CCN2: variants seen among roughly 807,000 people sequenced by gnomAD.
The protein encoded by CCN2 is CCN family member 2.
Under a neutral mutation model 33.2 loss-of-function variants are expected in CCN2, and 22 were observed. The ratio of observed to expected loss-of-function variants is 0.66; its 90% confidence interval spans 0.47 to 0.95. The LOEUF is 0.95. CCN2 is among the 40% of genes least tolerant of loss of function. CCN2 has a pLI of 0.00. For missense variants in CCN2, 469 were observed against 498.8 expected, an observed-to-expected ratio of 0.94 and a Z score of 0.57; for synonymous variants, 178 against 200.6, an observed-to-expected ratio of 0.89 and a Z score of 0.95.
rs868791465 is a variant in CCN2, at chr6:131,950,708, G to A, written c.289+62C>T. On this transcript the variant is annotated intron_variant, in intron 2 of 4. Transcript: ENST00000367976. This position sits in a 1 kb window ranked among gnomAD's most constrained non-coding sequence, Gnocchi z 7.1. Reference sequence around the variant, plus strand: ...AGTCCGAGCGGTTTCTTTTTCCAGCGGGCGGGTGGGCGTGAGGGAGGAGGC... The same window carrying A: ...AGTCCGAGCGGTTTCTTTTTCCAGCAGGCGGGTGGGCGTGAGGGAGGAGGC... 6.1e-6 allele frequency: 9 copies of A among 1,473,034 alleles called. No homozygotes were observed. Among genetic ancestry groups the A allele is most frequent in the Middle Eastern group, 4.7e-4 (2 of 4,248 alleles). 91.2% of individuals were successfully genotyped at this position (1,473,034 alleles called of 1,614,324 possible).
At position 131,948,773 on chromosome 6, in the gene CCN2, A is replaced by G. The variant is rs992770144; in HGVS notation, c.*491T>C. 4 of 170,578 alleles carry G rather than the reference A, an allele frequency of 2.3e-5. No individual in the cohort carries two copies. The highest frequency in any genetic ancestry group is 5.5e-5 in the Admixed American group (1 of 18,348). 10.6% of individuals were successfully genotyped at this position (170,578 alleles called of 1,614,324 possible). ...TCCGATTCCTGAACAGTGTCATTCG[A>G]ATCAGAATGTCAGAGCTGAGTCTGC... is the stretch of plus-strand genomic sequence containing the variant. On this transcript the variant is annotated 3_prime_UTR_variant, in exon 5 of 5. Coordinates refer to ENST00000367976, the MANE Select transcript of CCN2 (RefSeq NM_001901.4).
chr6:131,951,295 C>T lies in CCN2; in HGVS notation c.-123G>A, dbSNP rs925922047. The T allele has an allele frequency of 5.0e-6, 4 of 801,028 alleles. No homozygotes were observed. Among genetic ancestry groups the T allele is most frequent in the Middle Eastern group, 4.3e-4 (1 of 2,316 alleles). The allele number at this position is 801,028 out of a possible 1,614,324, so 49.6% of individuals were successfully genotyped here. ...CGCCGGGCTGTCGTCTCGGGGCTGT[C>T]GGCCGGGGCGGCTGCCGTCGAGCTG... is the stretch of plus-strand genomic sequence containing the variant. On this transcript the variant is annotated 5_prime_UTR_variant, in exon 1 of 5. Transcript: ENST00000367976.
rs779822040 is a variant in CCN2, at chr6:131,951,076, G to T, written c.66+31C>A. 21 of 1,291,662 alleles carry T rather than the reference G, an allele frequency of 1.6e-5. 1 individual carries two copies. Among genetic ancestry groups the T allele is most frequent in the Middle Eastern group, 3.0e-4 (1 of 3,386 alleles). The allele number at this position is 1,291,662 out of a possible 1,614,324, so 80.0% of individuals were successfully genotyped here. A position where few individuals can be genotyped will look rare whatever the true frequency, so the allele number is the denominator to read the frequency against. The stretch of plus-strand genomic sequence containing the variant: ...GGCCCCGAGTCCCTCCCTGGCAGCC[G>T]CCGGCCGCAGCGGGGGCTCCCGGCG... On this transcript the variant is annotated intron_variant, in intron 1 of 4. Coordinates refer to ENST00000367976, the MANE Select transcript of CCN2 (RefSeq NM_001901.4).
At position 131,950,844 on chromosome 6, in the gene CCN2, T is replaced by G; in HGVS notation, c.215A>C (p.Asp72Ala). 6.5e-7 allele frequency: 1 copy of G among 1,535,674 alleles called. No homozygotes were observed. The highest frequency in any genetic ancestry group is 8.7e-7 in the Non-Finnish European group (1 of 1,148,002). ...KQLGELCTERDPCDPHKGLFC... is the reference protein window; with the variant it reads ...KQLGELCTERAPCDPHKGLFC... ...TAGGCCCTTGTGCGGGTCGCATGGG[T>G]CGCGCTCGGTGCACAGCTCGCCCAG... Residue 72 changes from aspartate (D) to alanine (A), a missense_variant, in exon 2 of 5, where the codon GAC becomes GCC. Physicochemically the swap from Asp to Ala is moderately radical, Grantham distance 126. Transcript: ENST00000367976. This position sits in a 1 kb window ranked among gnomAD's most constrained non-coding sequence, Gnocchi z 7.1.
rs201855649 is a variant in CCN2 at position 131,950,567 on chromosome 6, G to T, written c.290-24C>A. On this transcript the variant is annotated intron_variant, in intron 2 of 4. Transcript: ENST00000367976. This position sits in a 1 kb window ranked among gnomAD's most constrained non-coding sequence, Gnocchi z 7.1. ...GGCTGGAGAAGAGGAAGGGAAGAGA[G>T]GGGTGGGGGATGCAGAGGTCAGGCA... The T allele has an allele frequency of 1.2e-5, 19 of 1,608,806 alleles. No homozygotes were observed. In the African/African-American group the frequency reaches 2.4e-4, roughly 20 times the overall value.
At position 131,949,538 on chromosome 6, in the gene CCN2, G is replaced by A; in HGVS notation, c.776C>T (p.Thr259Ile). The change falls in exon 5 of 5, where the codon ACT becomes ATT. Residue 259 changes from threonine to isoleucine, a missense_variant. Coordinates refer to ENST00000367976, the MANE Select transcript of CCN2 (RefSeq NM_001901.4). The stretch of plus-strand genomic sequence containing the variant: ...CTTGATAGGCTTGGAGATTTTGGGA[G>A]TACGGATGCACTTTTTGCCCTTCTA... ...NIKKGKKCIR[T>I]PKISKPIKFE... 1 of 1,423,612 alleles carries A rather than the reference G, an allele frequency of 7.0e-7. No individual in the cohort carries two copies. Among genetic ancestry groups the A allele is most frequent in the South Asian group, 1.1e-5 (1 of 88,530 alleles). The allele number at this position is 1,423,612 out of a possible 1,614,324, so 88.2% of individuals were successfully genotyped here.
chr6:131,949,433 G>T lies in CCN2; in HGVS notation c.881C>A (p.Thr294Asn). The change falls in exon 5 of 5, where the codon ACC becomes AAC. Residue 294 changes from threonine (T) to asparagine (N), a missense_variant. Transcript: ENST00000367976. ...CGVCTDGRCC[T>N]PHRTTTLPVE... The stretch of plus-strand genomic sequence containing the variant: ...CGGCAGGGTGGTGGTTCTGTGGGGG[G>T]TGCAGCATCGGCCGTCGGTACATAC... The T allele has an allele frequency of 3.1e-6, 5 of 1,614,190 alleles. No individual in the cohort carries two copies. Among genetic ancestry groups the T allele is most frequent in the Non-Finnish European group, 4.2e-6 (5 of 1,180,024 alleles).
Position 131,950,555 on chromosome 6 carries a change from G to A in CCN2, c.290-12C>T, listed in dbSNP as rs762510080. On this transcript the variant is annotated splice_polypyrimidine_tract_variant and intron_variant, in intron 2 of 4. Coordinates refer to ENST00000367976, the MANE Select transcript of CCN2 (RefSeq NM_001901.4). The surrounding 1 kb of genome is among the most constrained non-coding windows in gnomAD (Gnocchi z 7.1). ...AGCACCATCTTTGGCTGGAGAAGAG[G>A]AAGGGAAGAGAGGGGTGGGGGATGC... 3.1e-6 allele frequency: 5 copies of A among 1,611,150 alleles called. No homozygotes were observed. The African/African-American group carries it at 6.7e-5, about 22-fold the overall frequency.
At chr6:131,949,911 T>C in intron 4 of CCN2, 38 bp downstream of exon 4, 1 of 1,603,158 alleles carries the variant, frequency 6.2e-7, no homozygotes, top group Non-Finnish European at 8.5e-7. Flanking sequence ...TCCACTGTTT[T>C]TCCTGTGAAA....
Position 131,951,290 on chromosome 6 carries a change from G to T in CCN2, c.-118C>A. The T allele has an allele frequency of 1.1e-6, 1 of 902,422 alleles. No individual in the cohort carries two copies. The highest frequency in any genetic ancestry group is 1.4e-6 in the Non-Finnish European group (1 of 693,284). 55.9% of individuals were successfully genotyped at this position (902,422 alleles called of 1,614,324 possible). A position where few individuals can be genotyped will look rare whatever the true frequency, so the allele number is the denominator to read the frequency against. On this transcript the variant is annotated 5_prime_UTR_variant, in exon 1 of 5. Coordinates refer to ENST00000367976, the MANE Select transcript of CCN2 (RefSeq NM_001901.4). ...GGACGCGCCGGGCTGTCGTCTCGGG[G>T]CTGTCGGCCGGGGCGGCTGCCGTCG... is the stretch of plus-strand genomic sequence containing the variant.
In CCN2 at chr6:131,950,937, G is replaced by A. The variant is rs1472409252; in HGVS notation, c.122C>T (p.Pro41Leu). Residue 41 changes from proline to leucine, a missense_variant, in exon 2 of 5, where the codon CCG (proline) becomes CTG (leucine). Transcript: ENST00000367976. This position sits in a 1 kb window ranked among gnomAD's most constrained non-coding sequence, Gnocchi z 7.1. ...GPCRCPDEPA[P>L]RCPAGVSLVL... The stretch of plus-strand genomic sequence containing the variant: ...GAGGCTCACGCCCGCCGGGCAGCGC[G>A]GCGCCGGCTCGTCCGGGCACCGGCA... 6 of 1,418,864 alleles carry A rather than the reference G, an allele frequency of 4.2e-6. No homozygotes were observed. In the African/African-American group the frequency reaches 6.1e-5, roughly 14 times the overall value. The allele number at this position is 1,418,864 out of a possible 1,614,324, so 87.9% of individuals were successfully genotyped here.
chr6:131,948,587 A>G lies in CCN2; in HGVS notation c.*677T>C, dbSNP rs1234663122. 3.3e-5 allele frequency: 5 copies of G among 152,710 alleles called. No homozygotes were observed. In the East Asian group the frequency reaches 9.6e-4, roughly 29 times the overall value. The allele number at this position is 152,710 out of a possible 1,614,324, so 9.5% of individuals were successfully genotyped here. On this transcript the variant is annotated 3_prime_UTR_variant, in exon 5 of 5. Transcript: ENST00000367976. ...ATATCAAAGCATTAAAAACAAAAAT[A>G]AAAAGGCACAAACAACTTTAAATTA...
Position 131,950,945 on chromosome 6 carries a change from C to T in CCN2, c.114G>A (p.Glu38=). Reference sequence around the variant, plus strand: ...CGCCCGCCGGGCAGCGCGGCGCCGGCTCGTCCGGGCACCGGCACGGCCCGC... The same window carrying T: ...CGCCCGCCGGGCAGCGCGGCGCCGGTTCGTCCGGGCACCGGCACGGCCCGC... ...NCSGPCRCPD[E]PAPRCPAGVS... is the part of the protein sequence containing the mutation. The change falls in exon 2 of 5, where the codon GAG becomes GAA. Residue 38 remains glutamate (E), a synonymous_variant. Coordinates refer to ENST00000367976, the MANE Select transcript of CCN2 (RefSeq NM_001901.4). This position sits in a 1 kb window ranked among gnomAD's most constrained non-coding sequence, Gnocchi z 7.1. 7.1e-7 allele frequency: 1 copy of T among 1,403,612 alleles called. No homozygotes were observed. The highest frequency in any genetic ancestry group is 9.2e-7 in the Non-Finnish European group (1 of 1,089,970). The allele number at this position is 1,403,612 out of a possible 1,614,324, so 86.9% of individuals were successfully genotyped here.
rs1783107718 is a variant in CCN2, at chr6:131,951,276, G to A, written c.-104C>T. 2.9e-6 allele frequency: 3 copies of A among 1,042,558 alleles called. No individual in the cohort carries two copies. Among genetic ancestry groups the A allele is most frequent in the Non-Finnish European group, 3.7e-6 (3 of 819,818 alleles). 64.6% of individuals were successfully genotyped at this position (1,042,558 alleles called of 1,614,324 possible). A position where few individuals can be genotyped will look rare whatever the true frequency, so the allele number is the denominator to read the frequency against. Reference sequence around the variant, plus strand: ...GGAGGTGGGGACCGGGACGCGCCGGGCTGTCGTCTCGGGGCTGTCGGCCGG... The same window carrying A: ...GGAGGTGGGGACCGGGACGCGCCGGACTGTCGTCTCGGGGCTGTCGGCCGG... On this transcript the variant is annotated 5_prime_UTR_variant, in exon 1 of 5. Coordinates refer to ENST00000367976, the MANE Select transcript of CCN2 (RefSeq NM_001901.4).
Position 131,949,488 on chromosome 6 carries a change from T to C in CCN2, c.826A>G (p.Met276Val). The C allele has an allele frequency of 6.2e-7, 1 of 1,614,156 alleles. No homozygotes were observed. The highest frequency in any genetic ancestry group is 8.5e-7 in the Non-Finnish European group (1 of 1,180,020). The part of the protein sequence containing the change: ...IKFELSGCTS[M>V]KTYRAKFCGV... ...CAGAATTTAGCTCGGTATGTCTTCA[T>C]GCTGGTGCAGCCAGAAAGCTCAAAC... The change falls in exon 5 of 5, where the codon ATG (methionine) becomes GTG (valine). Residue 276 changes from methionine (M) to valine (V), a missense_variant. Met to Val is a conservative substitution (Grantham distance 21, BLOSUM62 1). Coordinates refer to ENST00000367976, the MANE Select transcript of CCN2 (RefSeq NM_001901.4).
rs1284536513 is a variant in CCN2, at chr6:131,950,535, C to T, written c.298G>A (p.Gly100Ser). The T allele has an allele frequency of 1.2e-6, 2 of 1,613,008 alleles. No homozygotes were observed. Among genetic ancestry groups the T allele is most frequent in the Admixed American group, 3.3e-5 (2 of 60,006 alleles). ...RKIGVCTAKDGAPCIFGGTVY... is the reference protein window; with the variant it reads ...RKIGVCTAKDSAPCIFGGTVY... ...GTACCACCGAAGATGCAGGGAGCAC[C>T]ATCTTTGGCTGGAGAAGAGGAAGGG... Residue 100 changes from glycine (G) to serine (S), a missense_variant, in exon 3 of 5, where the codon GGT (glycine) becomes AGT (serine). Physicochemically the swap from Gly to Ser is moderately conservative, Grantham distance 56. Coordinates refer to ENST00000367976, the MANE Select transcript of CCN2 (RefSeq NM_001901.4). This position sits in a 1 kb window ranked among gnomAD's most constrained non-coding sequence, Gnocchi z 7.1.
chr6:131,950,663 G>A lies in CCN2; in HGVS notation c.289+107C>T. On this transcript the variant is annotated intron_variant, in intron 2 of 4. Coordinates refer to ENST00000367976, the MANE Select transcript of CCN2 (RefSeq NM_001901.4). The surrounding 1 kb of genome is among the most constrained non-coding windows in gnomAD (Gnocchi z 7.1). The stretch of plus-strand genomic sequence containing the variant: ...CTGGGCTGCAGGGGGCGGGCTGGCA[G>A]CAGCTGGAGAAAGAAACTCAGTCCG... The A allele has an allele frequency of 2.7e-6, 4 of 1,504,590 alleles. No homozygotes were observed. Among genetic ancestry groups the A allele is most frequent in the Non-Finnish European group, 3.6e-6 (4 of 1,113,120 alleles). The allele number at this position is 1,504,590 out of a possible 1,614,324, so 93.2% of individuals were successfully genotyped here.
In CCN2 at chr6:131,950,991, G is replaced by A. The variant is rs1405926925; in HGVS notation, c.68C>T (p.Pro23Leu). ...CCCGCTGCAGTTCTGGCCGACGGCC[G>A]GCTGCAGGGAGGACAGGGCGGTCAG... ...FVVLLALCSR[P>L]AVGQNCSGPC... is the part of the protein sequence containing the mutation. Residue 23 changes from proline to leucine, a missense_variant and splice_region_variant, in exon 2 of 5, where the codon CCG becomes CTG. Physicochemically the swap from Pro to Leu is moderately conservative, Grantham distance 98. Transcript: ENST00000367976. This position sits in a 1 kb window ranked among gnomAD's most constrained non-coding sequence, Gnocchi z 7.1. 1.8e-5 allele frequency: 24 copies of A among 1,313,526 alleles called. No homozygotes were observed. The highest frequency in any genetic ancestry group is 2.1e-5 in the Non-Finnish European group (22 of 1,041,130). 81.4% of individuals were successfully genotyped at this position (1,313,526 alleles called of 1,614,324 possible). A position where few individuals can be genotyped will look rare whatever the true frequency, so the allele number is the denominator to read the frequency against.
In CCN2 at chr6:131,951,187, G is replaced by C; in HGVS notation, c.-15C>G. 2 of 1,308,862 alleles carry C rather than the reference G, an allele frequency of 1.5e-6. No homozygotes were observed. Among genetic ancestry groups the C allele is most frequent in the South Asian group, 2.3e-5 (1 of 43,242 alleles). 81.1% of individuals were successfully genotyped at this position (1,308,862 alleles called of 1,614,324 possible). A position where few individuals can be genotyped will look rare whatever the true frequency, so the allele number is the denominator to read the frequency against. The stretch of plus-strand genomic sequence containing the variant: ...GCGGCGGTCATGGTTGGCACTGCGG[G>C]CGGAGCGGAGGGCGCGGTGGCGGCG... On this transcript the variant is annotated 5_prime_UTR_variant, in exon 1 of 5. Transcript: ENST00000367976.
Sources: gnomAD v4.1 joint callset for allele counts on GRCh38, gnomAD v4.1.1 for gene constraint, Gnocchi (gnomAD v3.1) non-coding constraint, MANE v1.5 for transcripts, NCBI Gene and HGNC (gene_info 2026-07-23, HGNC 2026-07-21) for gene names.